Variants in CCNI observed in about 807,000 individuals in gnomAD.
CCNI encodes cyclin-I.
A neutral mutation model predicts 34.1 loss-of-function variants in CCNI; 14 were observed. The ratio of observed to expected loss-of-function variants is 0.41; its 90% CI spans 0.27 to 0.64. The LOEUF is 0.64. Among genes scored for constraint, CCNI ranks in the 30% least tolerant of loss-of-function variants. The pLI is 0.31. For synonymous variants in CCNI, 154 were observed against 158.4 expected, an observed-to-expected ratio of 0.97 and a Z score of 0.21; for missense variants, 385 against 440.5, an observed-to-expected ratio of 0.87 and a Z score of 1.13.
intron 1 of CCNI, among the ~76,000 whole-genome samples, chr4:77,066,609 A>G (rs1450456116): frequency 6.6e-6 from 1 of 152,234 alleles, no homozygotes; most frequent in Admixed American, 6.5e-5. Flanking sequence ...AGTTATAAAG[A>G]GAATAAAAAC....
At chr4:77,063,552 T>C (rs1728780466) in intron 2 of CCNI, among the ~76,000 whole-genome samples, 3 of 151,354 alleles carry the variant, frequency 2.0e-5, no homozygotes, top group African/African-American at 7.3e-5. Context: ...TAGCCGGGCG[T>C]TGTGGCGGGC....
At chr4:77,066,031 G>A in intron 2 of CCNI, 1 of 430,232 alleles carries the variant, frequency 2.3e-6, no homozygotes, top group African/African-American at 2.1e-5. Flanking sequence ...AGCCCGGGAG[G>A]CAGGGGTTGC....
chr4:77,055,163 A>C lies in CCNI; in HGVS notation c.677T>G (p.Leu226Arg), dbSNP rs769482205. Residue 226 changes from leucine to arginine, a missense_variant, in exon 6 of 7, where the codon CTT (leucine) becomes CGT (arginine). This residue lies in a region of CCNI where 250 missense variants were observed against 248.7 expected (regional missense o/e 1.01). Transcript: ENST00000237654. Reference sequence around the variant, plus strand: ...ACTGACACCTACCTGTGCTTTCTGAAGCAGTTCAATTGTAAGAGAAAGCCA... The same window carrying C: ...ACTGACACCTACCTGTGCTTTCTGACGCAGTTCAATTGTAAGAGAAAGCCA... ...PDWLSLTIELLQKAQMDSSQL... is the reference protein window; with the variant it reads ...PDWLSLTIELRQKAQMDSSQL... 1 of 1,610,178 alleles carries C rather than the reference A, an allele frequency of 6.2e-7. No homozygotes were observed.
intron 6 of CCNI, among the ~76,000 whole-genome samples, chr4:77,051,359 G>A (rs976722475): frequency 2.0e-5 from 3 of 152,200 alleles, no homozygotes; most frequent in East Asian, 1.9e-4. Context: ...TGCCATGGCA[G>A]AATCAATACT....
chr4:77,063,638 C>A (rs946296945), intron 2 of CCNI, among the ~76,000 whole-genome samples: 4 of 149,932 alleles, frequency 2.7e-5, no homozygotes, highest in Non-Finnish European at 4.4e-5. Flanking sequence ...TGCAGTGAGC[C>A]AAGATCGCGC....
rs1197958685 is a variant in CCNI at position 77,055,290 on chromosome 4, G to C, written c.550C>G (p.Gln184Glu). The C allele has an allele frequency of 1.9e-6, 3 of 1,614,030 alleles. No individual in the cohort carries two copies. Among genetic ancestry groups the C allele is most frequent in the Non-Finnish European group, 2.5e-6 (3 of 1,179,998 alleles). Residue 184 changes from glutamine (Q) to glutamate (E), a missense_variant, in exon 6 of 7, where the codon CAA becomes GAA. Around this residue, in one of 2 missense-constraint regions of CCNI, gnomAD observed 250 missense variants for 248.7 expected, o/e 1.01. Transcript: ENST00000237654. The stretch of plus-strand genomic sequence containing the variant: ...TTGCAGGCCATACAGTGAAGTAGTT[G>C]CTTGGTAAGGACTGCCAAATGTTGA... ...PSQHLAVLTKQLLHCMACNQL... is the reference protein window; with the variant it reads ...PSQHLAVLTKELLHCMACNQL...
intron 2 of CCNI, 57 bp from the exon 3 acceptor site, chr4:77,058,692 T>C: frequency 6.8e-7 from 1 of 1,480,992 alleles, no homozygotes; most frequent in Non-Finnish European, 9.3e-7. Flanking sequence ...ATCAAGAGTA[T>C]GTTTAGAATT....
chr4:77,066,249 C>G lies in CCNI; in HGVS notation c.114G>C (p.Gln38His). The G allele has an allele frequency of 6.2e-7, 1 of 1,612,106 alleles. No homozygotes were observed. ...KVNVRKMPSN[Q>H]NVSPSQRDEV... ...TCTGTCTTAAGAGAAAAATCATTACCTGATTTGAAGGCATTTTCCGCACAT... is the reference window on the plus strand; with the variant it reads ...TCTGTCTTAAGAGAAAAATCATTACGTGATTTGAAGGCATTTTCCGCACAT... The change falls in exon 2 of 7, where the codon CAG becomes CAC. Residue 38 changes from glutamine to histidine, a missense_variant and splice_region_variant. Physicochemically the swap from Gln to His is conservative, Grantham distance 24. This residue lies in a region of CCNI where 135 missense variants were observed against 191.8 expected (regional missense o/e 0.70). Coordinates refer to ENST00000237654, the MANE Select transcript of CCNI (RefSeq NM_006835.3).
chr4:77,070,601 A>T (rs1729387641), intron 1 of CCNI, among the ~76,000 whole-genome samples: 1 of 151,506 alleles, frequency 6.6e-6, no homozygotes, highest in South Asian at 2.1e-4. Flanking sequence ...CTGAGATTCC[A>T]ATTTTGTTGC....
At chr4:77,060,040 G>C (rs1728498846) in intron 2 of CCNI, among the ~76,000 whole-genome samples, 1 of 151,822 alleles carries the variant, frequency 6.6e-6, no homozygotes, top group Admixed American at 6.6e-5. Context: ...CAGTAGCTAT[G>C]AAAACAAGAA....
chr4:77,072,558 G>A (rs1373462911), intron 1 of CCNI, among the ~76,000 whole-genome samples: 1 of 146,702 alleles, frequency 6.8e-6, no homozygotes, highest in African/African-American at 2.5e-5. Flanking sequence ...GATTACGTAA[G>A]CCCAGGAGCT....
chr4:77,056,026 C>A lies in CCNI; in HGVS notation c.395G>T (p.Arg132Ile), dbSNP rs1357158413. 3.1e-6 allele frequency: 5 copies of A among 1,613,244 alleles called. No homozygotes were observed. Among genetic ancestry groups the A allele is most frequent in the Non-Finnish European group, 4.2e-6 (5 of 1,179,290 alleles). ...CCAATTCAACTTATCCAGAATAATT[C>A]TCTCCATTCTCAAAATTTCAGATGA... ...CSSSEILRME[R>I]IILDKLNWDL... Residue 132 changes from arginine to isoleucine, a missense_variant, in exon 5 of 7, where the codon AGA becomes ATA. Around this residue, in one of 2 missense-constraint regions of CCNI, gnomAD observed 135 missense variants for 191.8 expected, o/e 0.70. Transcript: ENST00000237654.
At position 77,058,782 on chromosome 4, in the gene CCNI, C is replaced by T. The variant is rs4252870; in HGVS notation, c.115-147G>A. On this transcript the variant is annotated intron_variant, in intron 2 of 6. Transcript: ENST00000237654. ...TATTCAAAATCTATCAGACTTGAGA[C>T]ACATGAAATAAAACTTTATGTATTA... The T allele has an allele frequency of 0.02, 12,464 of 625,304 alleles. 1,259 individuals carry two copies. In the African/African-American group the frequency reaches 0.21, roughly 11 times the overall value. 38.7% of individuals were successfully genotyped at this position (625,304 alleles called of 1,614,324 possible).
chr4:77,072,452 CAA>C (rs11327592), intron 1 of CCNI, among the ~76,000 whole-genome samples: 588 of 62,206 alleles, frequency 9.5e-3, no homozygotes, highest in Non-Finnish European at 0.013. Flanking sequence ...CTGTCTCCAC[CAA>C]AAAAAAAAAA....
intron 2 of CCNI, among the ~76,000 whole-genome samples, chr4:77,065,806 TA>T (rs1560781258): frequency 1.3e-5 from 2 of 152,110 alleles, no homozygotes; most frequent in Admixed American, 6.6e-5. Flanking sequence ...CAGGAGTTTT[TA>T]AAAAAGAAGA....
intron 1 of CCNI, among the ~76,000 whole-genome samples, chr4:77,071,729 T>C (rs1386580378): frequency 6.6e-6 from 1 of 152,144 alleles, no homozygotes; most frequent in Non-Finnish European, 1.5e-5. Context: ...TGTGTGCAAC[T>C]AAATTGGCAA....
At chr4:77,062,083 C>G (rs952850960) in intron 2 of CCNI, among the ~76,000 whole-genome samples, 5 of 152,020 alleles carry the variant, frequency 3.3e-5, no homozygotes, top group Non-Finnish European at 5.9e-5. Context: ...TACGTTACTG[C>G]TCCTTTGTTC....
At position 77,047,499 on chromosome 4, in the gene CCNI, TCA is replaced by T. The variant is rs1326239840; in HGVS notation, c.*718_*719del. 2 of 152,190 alleles carry T rather than the reference TCA, an allele frequency of 1.3e-5. No homozygotes were observed. The highest frequency in any genetic ancestry group is 4.8e-5 in the African/African-American group (2 of 41,450). The allele number at this position is 152,190 out of a possible 1,614,324, so 9.4% of individuals were successfully genotyped here. ...TTTGGTGAGCACCTGGATATATTTATCACAAATTCTTTTATACAAATGTCGAA... is the reference window on the plus strand; with the variant it reads ...TTTGGTGAGCACCTGGATATATTTATCAAATTCTTTTATACAAATGTCGAA... On this transcript the variant is annotated 3_prime_UTR_variant, in exon 7 of 7. Coordinates refer to ENST00000237654, the MANE Select transcript of CCNI (RefSeq NM_006835.3).
chr4:77,075,534 G>C lies in CCNI; in HGVS notation c.-106C>G, dbSNP rs916542863. ...GAGCTGTAGGCCTCACAGTGGTGAC[G>C]CGGGGTCATCCGGGGGCCCGTTACC... is the stretch of plus-strand genomic sequence containing the variant. On this transcript the variant is annotated 5_prime_UTR_variant, in exon 1 of 7. Transcript: ENST00000237654. The C allele has an allele frequency of 6.1e-6, 6 of 988,404 alleles. No individual in the cohort carries two copies. Among genetic ancestry groups the C allele is most frequent in the East Asian group, 1.1e-4 (1 of 8,834 alleles). The allele number at this position is 988,404 out of a possible 1,614,324, so 61.2% of individuals were successfully genotyped here. A position where few individuals can be genotyped will look rare whatever the true frequency, so the allele number is the denominator to read the frequency against.
Sources: gnomAD v4.1 joint callset for allele counts (sites outside exome capture counted in the v4.1 genomes callset) on GRCh38, gnomAD v4.1.1 for gene constraint, gnomAD v4.1.1 regional missense constraint, MANE v1.5 for transcripts, NCBI Gene and HGNC (gene_info 2026-07-23, HGNC 2026-07-21) for gene names.